The following NAA16 variants were observed in gnomAD, a reference collection of about 807,000 sequenced individuals.
NAA16 encodes NARG1-like protein.
In NAA16, 97 loss-of-function variants were observed where a neutral mutation model predicts 110.3. The ratio of observed to expected loss-of-function variants is 0.88; its 90% CI spans 0.75 to 1.04. NAA16 has a LOEUF of 1.04. NAA16 is among the 50% of genes least tolerant of loss of function. The pLI, the probability that NAA16 is intolerant of heterozygous loss-of-function variation, is 0.00. For synonymous variants in NAA16, 372 were observed against 330.6 expected (o/e 1.13, Z -1.36); for missense variants, 1,017 against 1,005.1 (o/e 1.01, Z -0.16).
chr13:41,341,910 C>T (rs1425793224), intron 9 of NAA16, among the ~76,000 whole-genome samples: 5 of 150,554 alleles, frequency 3.3e-5, no homozygotes, highest in African/African-American at 1.2e-4. Context: ...CTGCTCACTG[C>T]AAGCTCCACC....
intron 7 of NAA16, 31 bp from the exon 8 acceptor site, chr13:41,331,243 T>C: frequency 7.4e-7 from 1 of 1,359,742 alleles, no homozygotes; most frequent in South Asian, 1.3e-5. Flanking sequence ...GTTTTGATGC[T>C]ATGAATCTCA....
At chr13:41,360,883 T>C (rs928409668) in intron 12 of NAA16, among the ~76,000 whole-genome samples, 2 of 152,172 alleles carry the variant, frequency 1.3e-5, no homozygotes, top group African/African-American at 2.4e-5. Flanking sequence ...TTTCCTCTTA[T>C]AAAAATATGT....
chr13:41,330,947 T>C (rs1460849460), intron 7 of NAA16, among the ~76,000 whole-genome samples: 1 of 152,094 alleles, frequency 6.6e-6, no homozygotes, highest in Non-Finnish European at 1.5e-5. Flanking sequence ...AAGATTTTCT[T>C]TTCCATGAGT....
At chr13:41,345,607 G>A (rs1295745462) in intron 9 of NAA16, among the ~76,000 whole-genome samples, 1 of 152,002 alleles carries the variant, frequency 6.6e-6, no homozygotes, top group Non-Finnish European at 1.5e-5. Flanking sequence ...TTTGAGGCAA[G>A]GTCTCACTCT....
chr13:41,325,698 G>T lies in NAA16; in HGVS notation c.538G>T (p.Val180Phe), dbSNP rs369727164. Residue 180 changes from valine to phenylalanine, a missense_variant and splice_region_variant, in exon 6 of 20, where the codon GTT becomes TTT. Coordinates refer to ENST00000379406, the MANE Select transcript of NAA16 (RefSeq NM_024561.5). ...AAGTAATTTGGTCATTTTTTTTCAG[G>T]TTCCTCCAAACAAAATAGATTATGA... is the stretch of plus-strand genomic sequence containing the variant. ...LLEEFRQTQQ[V>F]PPNKIDYEYS... The T allele has an allele frequency of 7.1e-5, 111 of 1,553,310 alleles. No individual in the cohort carries two copies. In the African/African-American group the frequency reaches 1.3e-3, roughly 19 times the overall value.
intron 9 of NAA16, among the ~76,000 whole-genome samples, chr13:41,339,256 C>T (rs547129209): frequency 6.6e-6 from 1 of 152,206 alleles, no homozygotes; most frequent in East Asian, 1.9e-4. Flanking sequence ...TCTCCTGCCT[C>T]AGCCTCCCGA....
chr13:41,370,674 T>C (rs2043298432), intron 15 of NAA16, among the ~76,000 whole-genome samples: 1 of 152,174 alleles, frequency 6.6e-6, no homozygotes, highest in Admixed American at 6.5e-5. Context: ...TAAAGTTCTT[T>C]TGATACTGGA....
intron 12 of NAA16, among the ~76,000 whole-genome samples, chr13:41,361,319 A>G (rs2043108282): frequency 6.6e-6 from 1 of 152,234 alleles, no homozygotes; most frequent in African/African-American, 2.4e-5. Flanking sequence ...GGGCACAAAG[A>G]AAGTGACAAT....
Position 41,373,274 on chromosome 13 carries a change from T to TC in NAA16, c.2156-363_2156-362insC, listed in dbSNP as rs943795392. On this transcript the variant is annotated intron_variant, in intron 17 of 19. Coordinates refer to ENST00000379406, the MANE Select transcript of NAA16 (RefSeq NM_024561.5). ...TTGTTGTTGTGTTTTTTGTTTTTTTTTTTGAGACAGTCTTGCTCTGTTGTC... is the reference window on the plus strand; with the variant it reads ...TTGTTGTTGTGTTTTTTGTTTTTTTTCTTTGAGACAGTCTTGCTCTGTTGTC... 10 of 755,674 alleles carry TC rather than the reference T, an allele frequency of 1.3e-5. No homozygotes were observed. The African/African-American group carries it at 1.9e-4, about 14-fold the overall frequency. The allele number at this position is 755,674 out of a possible 1,614,324, so 46.8% of individuals were successfully genotyped here. A position where few individuals can be genotyped will look rare whatever the true frequency, so the allele number is the denominator to read the frequency against.
chr13:41,353,850 G>T (rs1338605995), intron 9 of NAA16, among the ~76,000 whole-genome samples: 1 of 151,794 alleles, frequency 6.6e-6, no homozygotes, highest in Admixed American at 6.6e-5. Flanking sequence ...CCACATGATG[G>T]TGACACTAAT....
At chr13:41,368,322 C>T (rs1280918997) in intron 14 of NAA16, among the ~76,000 whole-genome samples, 1 of 152,022 alleles carries the variant, frequency 6.6e-6, no homozygotes, top group African/African-American at 2.4e-5. Flanking sequence ...CTGTTCATTT[C>T]TAATATTTAT....
intron 15 of NAA16, 23 bp downstream of exon 15, chr13:41,369,306 T>C: frequency 1.3e-6 from 2 of 1,505,498 alleles, no homozygotes; most frequent in South Asian, 2.8e-5. Flanking sequence ...TTACTATCTT[T>C]GTTATTTGGT....
At chr13:41,317,696 A>G (rs1273432827) in intron 2 of NAA16, among the ~76,000 whole-genome samples, 4 of 152,238 alleles carry the variant, frequency 2.6e-5, no homozygotes, top group Admixed American at 1.3e-4. Flanking sequence ...CTTGTTTTCA[A>G]GCTTTTTAGC....
chr13:41,369,819 C>T (rs2043281050), intron 15 of NAA16, among the ~76,000 whole-genome samples: 1 of 152,182 alleles, frequency 6.6e-6, no homozygotes, highest in East Asian at 1.9e-4. Context: ...CGGATTCCCC[C>T]TTCGAATCTC....
chr13:41,355,124 A>C lies in NAA16; in HGVS notation c.1015-20A>C, dbSNP rs753818208. On this transcript the variant is annotated intron_variant, in intron 9 of 19. Coordinates refer to ENST00000379406, the MANE Select transcript of NAA16 (RefSeq NM_024561.5). ...TTCAAGAAGATATTTTTAAATTTTA[A>C]AAATATGTTTCTTTAACAGGTTTCT... 3.4e-6 allele frequency: 5 copies of C among 1,463,546 alleles called. No homozygotes were observed. The highest frequency in any genetic ancestry group is 4.7e-6 in the Non-Finnish European group (5 of 1,069,908). 90.7% of individuals were successfully genotyped at this position (1,463,546 alleles called of 1,614,324 possible).
chr13:41,362,003 T>C, intron 12 of NAA16, 28 bp from the exon 13 acceptor site: 1 of 1,605,842 alleles, frequency 6.2e-7, no homozygotes, highest in Non-Finnish European at 8.5e-7. Context: ...TTGTTTGCTC[T>C]CTATAGTTTT....
In NAA16 at chr13:41,373,721, A is replaced by G. The variant is rs1415805890; in HGVS notation, c.2240A>G (p.Glu747Gly). The change falls in exon 18 of 20, where the codon GAA becomes GGA. Residue 747 changes from glutamate (E) to glycine (G), a missense_variant. Transcript: ENST00000379406. The part of the protein sequence containing the change: ...MQKIFVKKDL[E>G]SFNEDFLKRN... ...AAAATATTTGTCAAAAAGGATTTGG[A>G]AAGTTTTAATGAGGATTTTCTGAAA... is the stretch of plus-strand genomic sequence containing the variant. 2 of 1,611,102 alleles carry G rather than the reference A, an allele frequency of 1.2e-6. No individual in the cohort carries two copies. Among genetic ancestry groups the G allele is most frequent in the Non-Finnish European group, 1.7e-6 (2 of 1,178,984 alleles).
chr13:41,364,941 G>C (rs1346005306), intron 13 of NAA16, among the ~76,000 whole-genome samples: 1 of 152,064 alleles, frequency 6.6e-6, no homozygotes, highest in Non-Finnish European at 1.5e-5. Flanking sequence ...AGGAGAATCT[G>C]GTCTAGAAGA....
intron 11 of NAA16, 90 bp from the exon 12 acceptor site, chr13:41,358,720 T>G (rs1283960958): frequency 2.0e-6 from 3 of 1,479,954 alleles, no homozygotes; most frequent in East Asian, 2.3e-5. Flanking sequence ...GGTGACAGAT[T>G]TCTTTTTTGT....
Sources: gnomAD v4.1 joint callset for allele counts (sites outside exome capture counted in the v4.1 genomes callset) on GRCh38, gnomAD v4.1.1 for gene constraint, MANE v1.5 for transcripts, NCBI Gene and HGNC (gene_info 2026-07-23, HGNC 2026-07-21) for gene names.